Variants in CYP4V2 observed in about 807,000 individuals in gnomAD.
The protein encoded by CYP4V2 is cytochrome P450 4V2.
CYP4V2 carries 55 observed loss-of-function variants against 60.8 expected under a neutral mutation model. The observed-to-expected ratio is 0.90, with a 90% CI of 0.73 to 1.13. The LOEUF (loss-of-function observed/expected upper bound fraction) is 1.13, where lower values mean the gene tolerates loss of function less well. Ranked by LOEUF, CYP4V2 falls within the 50% of genes most tolerant of loss-of-function variation. CYP4V2 has a pLI of 0.00. For missense variants in CYP4V2, 675 were observed against 662.9 expected (o/e 1.02, Z -0.20); for synonymous variants, 239 against 236.8 (o/e 1.01, Z -0.08).
Position 186,197,610 on chromosome 4 carries a change from G to A in CYP4V2, c.674+8G>A. Reference sequence around the variant, plus strand: ...TGTCCGTGCAGTTTATAGGTAAATGGAGTCCTTTCAGTTATTTTAACAATT... The same window carrying A: ...TGTCCGTGCAGTTTATAGGTAAATGAAGTCCTTTCAGTTATTTTAACAATT... On this transcript the variant is annotated splice_region_variant and intron_variant, in intron 5 of 10. Transcript: ENST00000378802. 6.2e-7 allele frequency: 1 copy of A among 1,613,542 alleles called. No homozygotes were observed. Among genetic ancestry groups the A allele is most frequent in the African/African-American group, 1.3e-5 (1 of 75,032 alleles).
At chr4:186,198,260 G>A (rs1736214089) in intron 5 of CYP4V2, among the ~76,000 whole-genome samples, 1 of 152,206 alleles carries the variant, frequency 6.6e-6, no homozygotes, top group South Asian at 2.1e-4. Flanking sequence ...ACAGGGTACT[G>A]ACTGGTTTTG....
rs775079710 is a variant in CYP4V2, at chr4:186,210,637, G to A, written c.1574G>A (p.Arg525His). Residue 525 changes from arginine to histidine, a missense_variant, in exon 11 of 11, where the codon CGC (arginine) becomes CAC (histidine). Arg to His is a conservative substitution (Grantham distance 29, BLOSUM62 0). Transcript: ENST00000378802. ...IKLKRRNADE[R>H] ...TTGAAGAGGAGAAATGCAGATGAAC[G>A]CTAACTATATTATTGGGTTGTGCCT... 21 of 1,613,944 alleles carry A rather than the reference G, an allele frequency of 1.3e-5. No homozygotes were observed. Among genetic ancestry groups the A allele is most frequent in the Admixed American group, 3.3e-5 (2 of 60,004 alleles).
In CYP4V2 at chr4:186,195,916, T is replaced by C. The variant is rs72646252; in HGVS notation, c.328-87T>C. 8.4e-3 allele frequency: 7,809 copies of C among 927,430 alleles called. 395 individuals are homozygous for C. In the African/African-American group the frequency reaches 0.11, roughly 13 times the overall value. 57.5% of individuals were successfully genotyped at this position (927,430 alleles called of 1,614,324 possible). On this transcript the variant is annotated intron_variant, in intron 2 of 10. Transcript: ENST00000378802. This position sits in a 1 kb window ranked among gnomAD's most constrained non-coding sequence, Gnocchi z 4.1. ...TAAATGTTGTGAATGCCCTAAAAAC[T>C]AGCTGTATTCTAGCCAGTATTCCTA... is the stretch of plus-strand genomic sequence containing the variant.
In CYP4V2 at chr4:186,210,802, G is replaced by T; in HGVS notation, c.*161G>T. ...TGACATCAAGTCTAACAAAGAAAAA[G>T]TTTTGAGTTTTGTATTTTCTTTTTT... On this transcript the variant is annotated 3_prime_UTR_variant, in exon 11 of 11. Coordinates refer to ENST00000378802, the MANE Select transcript of CYP4V2 (RefSeq NM_207352.4). 9 of 802,916 alleles carry T rather than the reference G, an allele frequency of 1.1e-5. No individual in the cohort carries two copies. Among genetic ancestry groups the T allele is most frequent in the South Asian group, 3.6e-5 (2 of 56,170 alleles). The allele number at this position is 802,916 out of a possible 1,614,324, so 49.7% of individuals were successfully genotyped here.
intron 6 of CYP4V2, 42 bp downstream of exon 6, chr4:186,199,125 C>G (rs751298422): frequency 6.3e-7 from 1 of 1,594,350 alleles, no homozygotes; most frequent in Non-Finnish European, 8.6e-7. Flanking sequence ...ATAGACATAA[C>G]ATAAAATTTC....
At chr4:186,209,041 T>C (rs1447932200) in intron 9 of CYP4V2, 42 bp downstream of exon 9, 1 of 1,614,188 alleles carries the variant, frequency 6.2e-7, no homozygotes, top group Non-Finnish European at 8.5e-7. Flanking sequence ...AGGGAAACTT[T>C]CTAATGTCTA....
At chr4:186,200,147 C>T (rs1473469582) in intron 6 of CYP4V2, among the ~76,000 whole-genome samples, 1 of 152,006 alleles carries the variant, frequency 6.6e-6, no homozygotes, top group Admixed American at 6.6e-5. Flanking sequence ...CAATTTTATT[C>T]ATTGAATAAA....
Position 186,210,449 on chromosome 4 carries a change from G to A in CYP4V2, c.1406-20G>A. The A allele has an allele frequency of 6.2e-7, 1 of 1,614,058 alleles. No homozygotes were observed. The highest frequency in any genetic ancestry group is 8.5e-7 in the Non-Finnish European group (1 of 1,179,992). On this transcript the variant is annotated intron_variant, in intron 10 of 10. Coordinates refer to ENST00000378802, the MANE Select transcript of CYP4V2 (RefSeq NM_207352.4). The stretch of plus-strand genomic sequence containing the variant: ...GGGTAAATCTATAACTAAAGCGATG[G>A]TATCTACATTAATTTGAAGGTCAAA...
intron 7 of CYP4V2, chr4:186,203,678 C>A (rs1428812377): frequency 1.3e-5 from 2 of 152,218 alleles, no homozygotes; most frequent in African/African-American, 4.8e-5. Context: ...ATTGTTTAGC[C>A]AGAATACTTC....
chr4:186,197,131 G>T lies in CYP4V2; in HGVS notation c.604+1G>T, dbSNP rs1417816077. 2 of 1,613,662 alleles carry T rather than the reference G, an allele frequency of 1.2e-6. No homozygotes were observed. The highest frequency in any genetic ancestry group is 3.3e-5 in the Admixed American group (2 of 60,016). On this transcript the variant is annotated splice_donor_variant, in intron 4 of 10. Coordinates refer to ENST00000378802, the MANE Select transcript of CYP4V2 (RefSeq NM_207352.4). LOFTEE classifies it high-confidence loss of function. The stretch of plus-strand genomic sequence containing the variant: ...CTTTGTGCCTTAGATATCATCTGTG[G>T]TGAGTCTCATCGATCTGTTTCTAAA...
Position 186,210,839 on chromosome 4 carries a change from ATTT to A in CYP4V2, c.*208_*210del. Reference sequence around the variant, plus strand: ...GTATTTTCTTTTTTCTTTTTTCTTTATTTTTTTTTTTTGAAACCGTGTCTCACT... The same window carrying A: ...GTATTTTCTTTTTTCTTTTTTCTTTATTTTTTTTTGAAACCGTGTCTCACT... On this transcript the variant is annotated 3_prime_UTR_variant, in exon 11 of 11. Coordinates refer to ENST00000378802, the MANE Select transcript of CYP4V2 (RefSeq NM_207352.4). The A allele has an allele frequency of 1.1e-5, 6 of 530,354 alleles. No homozygotes were observed. Among genetic ancestry groups the A allele is most frequent in the East Asian group, 3.7e-5 (1 of 26,908 alleles). The allele number at this position is 530,354 out of a possible 1,614,324, so 32.9% of individuals were successfully genotyped here. A position where few individuals can be genotyped will look rare whatever the true frequency, so the allele number is the denominator to read the frequency against.
At chr4:186,204,445 A>G (rs75155863) in intron 7 of CYP4V2, 23 of 217,162 alleles carry the variant, frequency 1.1e-4, no homozygotes, top group Admixed American at 2.7e-4. Flanking sequence ...GGAGGTGGAG[A>G]CGTTACGCTG....
intron 1 of CYP4V2, chr4:186,192,255 A>G (rs1736013456): frequency 2.8e-6 from 2 of 716,904 alleles, no homozygotes; most frequent in Non-Finnish European, 5.0e-6. Flanking sequence ...TGTGTAGCAC[A>G]GGATGCGGTA....
Position 186,194,489 on chromosome 4 carries a change from T to A in CYP4V2, c.215-11T>A. On this transcript the variant is annotated splice_polypyrimidine_tract_variant and intron_variant, in intron 1 of 10. Transcript: ENST00000378802. ...TCTTGATTGAATTTCAAATTTGATG[T>A]TTTTCCCCAGAATTTTTTCAGCAGA... 6.2e-7 allele frequency: 1 copy of A among 1,611,060 alleles called. No individual in the cohort carries two copies. The highest frequency in any genetic ancestry group is 1.7e-4 in the Middle Eastern group (1 of 6,060).
intron 6 of CYP4V2, among the ~76,000 whole-genome samples, chr4:186,199,993 G>A (rs1287945683): frequency 6.6e-6 from 1 of 152,178 alleles, no homozygotes; most frequent in Non-Finnish European, 1.5e-5. Flanking sequence ...TGAATGCAAT[G>A]TTGGCTGAGC....
intron 7 of CYP4V2, 49 bp from the exon 8 acceptor site, chr4:186,205,151 C>T (rs1219163087): frequency 6.4e-7 from 1 of 1,564,594 alleles, no homozygotes; most frequent in South Asian, 1.1e-5. Context: ...CACTCCTAAT[C>T]ATCGCAGCAT....
chr4:186,193,777 G>T (rs933326352), intron 1 of CYP4V2, among the ~76,000 whole-genome samples: 2 of 152,178 alleles, frequency 1.3e-5, no homozygotes, highest in African/African-American at 4.8e-5. Context: ...CAAGAATCTT[G>T]TCTTTCACAT....
intron 8 of CYP4V2, among the ~76,000 whole-genome samples, chr4:186,206,160 G>A (rs1429584646): frequency 2.0e-5 from 3 of 152,242 alleles, no homozygotes; most frequent in South Asian, 2.1e-4. Flanking sequence ...TCTCTGCATC[G>A]CCTTCTCTTT....
intron 4 of CYP4V2, 190 bp from the exon 5 acceptor site, chr4:186,197,343 A>C: frequency 1.2e-6 from 1 of 843,454 alleles, no homozygotes; most frequent in Non-Finnish European, 1.9e-6. Context: ...AGGGAGGCGA[A>C]GGGAAGGAAG....
Sources: gnomAD v4.1 joint callset for allele counts (sites outside exome capture counted in the v4.1 genomes callset) on GRCh38, gnomAD v4.1.1 for gene constraint, Gnocchi (gnomAD v3.1) non-coding constraint, MANE v1.5 for transcripts, NCBI Gene and HGNC (gene_info 2026-07-23, HGNC 2026-07-21) for gene names.